BICRA: variants seen among roughly 807,000 people sequenced by gnomAD.
BICRA encodes BRD4-interacting chromatin-remodeling complex-associated protein.
In BICRA, 31 loss-of-function variants were observed where a neutral mutation model predicts 96.9. That is an observed-to-expected ratio of 0.32 (90% CI 0.24 to 0.43). The LOEUF (loss-of-function observed/expected upper bound fraction) is 0.43, where lower values mean the gene tolerates loss of function less well. BICRA is among the 20% of genes least tolerant of loss of function. The pLI is 1.00. For synonymous variants in BICRA, 1,350 were observed against 1,071.8 expected (o/e 1.26, Z -5.07); for missense variants, 2,283 against 2,190.3 (o/e 1.04, Z -0.84).
chr19:47,666,516 A>G (rs994204063), intron 1 of BICRA, among the ~76,000 whole-genome samples: 1 of 151,730 alleles, frequency 6.6e-6, no homozygotes, highest in Non-Finnish European at 1.5e-5. Flanking sequence ...ACCTCAGTTG[A>G]TCCTCCCACC....
At chr19:47,696,377 G>T in intron 10 of BICRA, 74 bp from the exon 11 acceptor site, 2 of 1,390,836 alleles carry the variant, frequency 1.4e-6, no homozygotes, top group Non-Finnish European at 9.9e-7. Flanking sequence ...TTTATCCTAG[G>T]CTAGAGGGGA....
chr19:47,696,405 A>G (rs1380810079), intron 10 of BICRA, 46 bp from the exon 11 acceptor site: 3 of 1,538,028 alleles, frequency 2.0e-6, no homozygotes, highest in Non-Finnish European at 2.6e-6. Flanking sequence ...CGGGGGAGGG[A>G]AGGCTTCTGG....
At chr19:47,684,624 A>C (rs937558922) in intron 7 of BICRA, among the ~76,000 whole-genome samples, 2 of 151,970 alleles carry the variant, frequency 1.3e-5, no homozygotes, top group African/African-American at 4.8e-5. Context: ...CCGGCCTAGC[A>C]CTCTCTCATT....
At chr19:47,657,852 A>G (rs1182300685) in intron 1 of BICRA, among the ~76,000 whole-genome samples, 1 of 152,052 alleles carries the variant, frequency 6.6e-6, no homozygotes, top group Non-Finnish European at 1.5e-5. Context: ...TGTCTAGGAG[A>G]AGGCCATTCC....
chr19:47,684,778 TGCTGGAAACACCTGAAGTCTTGAGAAA>T (rs1269864617), intron 7 of BICRA, among the ~76,000 whole-genome samples: 1 of 152,162 alleles, frequency 6.6e-6, no homozygotes, highest in African/African-American at 2.4e-5. Flanking sequence ...GGGGGCTTAT[TGCTGGAAACACCTGAAGTCTTGAGAAA>T]GCCAGACCTG....
intron 1 of BICRA, among the ~76,000 whole-genome samples, chr19:47,617,524 C>T (rs541518006): frequency 1.5e-4 from 23 of 151,998 alleles, no homozygotes; most frequent in Admixed American, 8.5e-4. Flanking sequence ...CCACCACACA[C>T]GGCTAATTGT....
intron 1 of BICRA, among the ~76,000 whole-genome samples, chr19:47,626,868 C>G (rs573708554): frequency 6.6e-6 from 1 of 151,688 alleles, no homozygotes; most frequent in Admixed American, 6.6e-5. Flanking sequence ...ATTACAGGCG[C>G]CCACCACCAC....
chr19:47,694,652 C>A lies in BICRA; in HGVS notation c.2821C>A (p.Arg941=). 6.3e-7 allele frequency: 1 copy of A among 1,594,318 alleles called. No homozygotes were observed. ...EPAAPPPPPP[R]TFQMVTTPFP... is the part of the protein sequence containing the mutation. ...GGCAGCACCCCCCCCACCGCCTCCT[C>A]GGACCTTCCAGATGGTGACCACCCC... Residue 941 remains arginine, a synonymous_variant, in exon 8 of 15, where the codon CGG becomes AGG. Coordinates refer to ENST00000594866, the MANE Select transcript of BICRA (RefSeq NM_001394372.1).
intron 1 of BICRA, among the ~76,000 whole-genome samples, chr19:47,636,248 C>A (rs188734081): frequency 1.9e-3 from 289 of 152,262 alleles, no homozygotes; most frequent in African/African-American, 6.6e-3. Context: ...GCTCTGTTGC[C>A]CAGTCTGGAG....
intron 8 of BICRA, 70 bp from the exon 9 acceptor site, chr19:47,694,830 C>A: frequency 1.6e-6 from 2 of 1,245,718 alleles, no homozygotes; most frequent in East Asian, 2.4e-5. Flanking sequence ...CCTCCCCAGC[C>A]CTGCTGCGTC....
At chr19:47,641,070 ATTTTTTTT>A (rs71180861) in intron 1 of BICRA, among the ~76,000 whole-genome samples, 18 of 104,526 alleles carry the variant, frequency 1.7e-4, no homozygotes, top group East Asian at 5.6e-4. Context: ...TGCCTGGCTA[ATTTTTTTT>A]TTTTTTTTTT....
intron 1 of BICRA, among the ~76,000 whole-genome samples, chr19:47,667,707 C>T (rs1405406593): frequency 6.6e-6 from 1 of 152,150 alleles, no homozygotes; most frequent in Non-Finnish European, 1.5e-5. Flanking sequence ...ACTCCTGTTC[C>T]TTCCTCCTCC....
intron 7 of BICRA, among the ~76,000 whole-genome samples, chr19:47,690,263 A>G (rs1459954955): frequency 1.3e-5 from 2 of 151,968 alleles, no homozygotes; most frequent in Admixed American, 1.3e-4. Context: ...CAGCCTCCCA[A>G]AGTGCTGGGA....
chr19:47,616,796 A>G (rs1263260686), intron 1 of BICRA, among the ~76,000 whole-genome samples: 2 of 151,890 alleles, frequency 1.3e-5, no homozygotes, highest in African/African-American at 2.4e-5. Context: ...TGCTCAGTGA[A>G]GCTTCACTTT....
Position 47,673,059 on chromosome 19 carries a change from G to A in BICRA, c.-5-511G>A, listed in dbSNP as rs892387536. ...CACTGGCTCCCTCACTCCTTCACCC[G>A]TTTATATGTAGGACAGACCCCCACC... On this transcript the variant is annotated intron_variant, in intron 2 of 14. Transcript: ENST00000594866. Among the ~76,000 whole-genome samples the A allele has an allele frequency of 6.6e-5, 10 of 152,154 alleles. No homozygotes were observed. The Middle Eastern group carries it at 0.01, about 155-fold the overall frequency.
chr19:47,633,080 C>CTTTTTTTTTT (rs34761702), intron 1 of BICRA, among the ~76,000 whole-genome samples: 5 of 93,222 alleles, frequency 5.4e-5, no homozygotes, highest in Non-Finnish European at 8.4e-5. Context: ...GATTTTATTT[C>CTTTTTTTTTT]TTTTTTTTTT....
chr19:47,633,620 G>A (rs908760500), intron 1 of BICRA, among the ~76,000 whole-genome samples: 32 of 152,196 alleles, frequency 2.1e-4, no homozygotes, highest in African/African-American at 7.5e-4. Context: ...ATAGAGTAGA[G>A]ATGGGAAGCC....
rs77211154 is a variant in BICRA, at chr19:47,702,812, G to A, written c.*397G>A. On this transcript the variant is annotated 3_prime_UTR_variant, in exon 15 of 15. Coordinates refer to ENST00000594866, the MANE Select transcript of BICRA (RefSeq NM_001394372.1). ...CTGTGTGGCTTCTCAGATGGTGGAG[G>A]GTGCTGGGAGCTGGCAGGGTCCTTC... 0.065 allele frequency: 14,578 copies of A among 225,478 alleles called. 551 individuals carry two copies. Among genetic ancestry groups the A allele is most frequent in the South Asian group, 0.11 (1,606 of 14,450 alleles). 14.0% of individuals were successfully genotyped at this position (225,478 alleles called of 1,614,324 possible).
At chr19:47,681,574 C>G (rs114467529) in intron 6 of BICRA, among the ~76,000 whole-genome samples, 2,197 of 152,118 alleles carry the variant, frequency 0.014, 33 homozygotes, top group African/African-American at 0.04. Flanking sequence ...AGTGAACAGA[C>G]AGAAGGGTAG....
Sources: allele counts gnomAD v4.1 joint callset (sites outside exome capture counted in the v4.1 genomes callset), GRCh38; gene constraint gnomAD v4.1.1; transcripts MANE v1.5; gene names NCBI Gene and HGNC (gene_info 2026-07-23, HGNC 2026-07-21).